XPR1: variants seen among roughly 807,000 people sequenced by gnomAD.
XPR1 encodes the protein solute carrier family 53 member 1.
A neutral mutation model predicts 87.5 loss-of-function variants in XPR1; 28 were observed. The observed-to-expected ratio is 0.32, with a 90% CI of 0.24 to 0.44. The LOEUF (loss-of-function observed/expected upper bound fraction) is 0.44, where lower values mean the gene tolerates loss of function less well. XPR1 is among the 20% of genes least tolerant of loss of function. The pLI is 1.00. For missense variants in XPR1, 559 were observed against 862.3 expected (o/e 0.65, Z 4.41); for synonymous variants, 300 against 306.1 (o/e 0.98, Z 0.21).
At chr1:180,652,875 T>A (rs973522237) in intron 1 of XPR1, among the ~76,000 whole-genome samples, 1 of 152,224 alleles carries the variant, frequency 6.6e-6, no homozygotes, top group Non-Finnish European at 1.5e-5. Context: ...CGGAGCTGCT[T>A]ACCTGGGTAA....
chr1:180,825,679 C>T (rs748235537), intron 9 of XPR1, among the ~76,000 whole-genome samples: 33 of 152,180 alleles, frequency 2.2e-4, no homozygotes, highest in African/African-American at 7.0e-4. Context: ...GAGTATCAAC[C>T]GAACATTTTA....
At chr1:180,825,785 T>A (rs1021185037) in intron 9 of XPR1, among the ~76,000 whole-genome samples, 2 of 152,202 alleles carry the variant, frequency 1.3e-5, no homozygotes, top group Non-Finnish European at 2.9e-5. Flanking sequence ...GCGCGGTGGC[T>A]CACGCCTGTA....
intron 2 of XPR1, among the ~76,000 whole-genome samples, chr1:180,748,016 A>G (rs1350994547): frequency 2.0e-5 from 3 of 152,256 alleles, no homozygotes; most frequent in Admixed American, 6.5e-5. Context: ...TATGTGAATC[A>G]TATTATAAAA....
At chr1:180,671,665 C>G (rs1380527907) in intron 1 of XPR1, among the ~76,000 whole-genome samples, 1 of 152,150 alleles carries the variant, frequency 6.6e-6, no homozygotes, top group Admixed American at 6.5e-5. Context: ...CATGTGTCAA[C>G]TACCAAGCCC....
chr1:180,844,430 A>T (rs558232649), intron 11 of XPR1, among the ~76,000 whole-genome samples: 31 of 152,344 alleles, frequency 2.0e-4, no homozygotes, highest in African/African-American at 7.5e-4. Flanking sequence ...AAGAGAAAAA[A>T]ATGAGCAGGC....
intron 12 of XPR1, among the ~76,000 whole-genome samples, chr1:180,865,572 T>C (rs1296215149): frequency 6.6e-6 from 1 of 152,146 alleles, no homozygotes; most frequent in African/African-American, 2.4e-5. Context: ...GGTTAATTTT[T>C]TGTAGTTTTA....
intron 2 of XPR1, among the ~76,000 whole-genome samples, chr1:180,694,779 A>G (rs1044910472): frequency 3.3e-5 from 2 of 60,464 alleles, no homozygotes; most frequent in African/African-American, 6.2e-5. Flanking sequence ...GTGTGCACAC[A>G]CACACACACA....
chr1:180,667,619 A>G (rs1026589593), intron 1 of XPR1, among the ~76,000 whole-genome samples: 12 of 152,244 alleles, frequency 7.9e-5, no homozygotes, highest in Non-Finnish European at 1.6e-4. Flanking sequence ...GCCTCATAGC[A>G]TGAGTTAGGA....
intron 1 of XPR1, among the ~76,000 whole-genome samples, chr1:180,673,252 C>T (rs1656245885): frequency 6.6e-6 from 1 of 152,004 alleles, no homozygotes; most frequent in African/African-American, 2.4e-5. Flanking sequence ...ATTGAATATA[C>T]ATGTTAACTT....
Position 180,671,063 on chromosome 1 carries a change from A to G in XPR1, c.70-11297A>G, listed in dbSNP as rs368187558. On this transcript the variant is annotated intron_variant, in intron 1 of 14. Transcript: ENST00000367590. ...TACTGAGGTCTCTAAAATGAGTAATATGTAATTTATTTTGTTTTGAGGGTT... is the reference window on the plus strand; with the variant it reads ...TACTGAGGTCTCTAAAATGAGTAATGTGTAATTTATTTTGTTTTGAGGGTT... 4.4e-4 allele frequency among the ~76,000 whole-genome samples: 67 copies of G among 152,324 alleles called. 1 individual carries two copies. The South Asian group carries it at 0.013, about 31-fold the overall frequency.
chr1:180,842,157 T>C (rs900758053), intron 11 of XPR1, among the ~76,000 whole-genome samples: 1 of 152,112 alleles, frequency 6.6e-6, no homozygotes, highest in Non-Finnish European at 1.5e-5. Context: ...AAGGATAAAT[T>C]TTAGAGGGGC....
Position 180,720,341 on chromosome 1 carries a change from CA to C in XPR1, c.121+37931del, listed in dbSNP as rs578234723. Among the ~76,000 whole-genome samples, 443 of 152,208 alleles carry C rather than the reference CA, an allele frequency of 2.9e-3. 5 individuals carry two copies. Among genetic ancestry groups the C allele is most frequent in the African/African-American group, 0.01 (422 of 41,542 alleles). The stretch of plus-strand genomic sequence containing the variant: ...ACTTTCAAATTCCATTGTCTTAAAA[CA>C]GTTGGTAATGTGACAGTTCTTTAGC... On this transcript the variant is annotated intron_variant, in intron 2 of 14. Coordinates refer to ENST00000367590, the MANE Select transcript of XPR1 (RefSeq NM_004736.4).
intron 2 of XPR1, among the ~76,000 whole-genome samples, chr1:180,725,633 T>A (rs1658313230): frequency 6.6e-6 from 1 of 152,220 alleles, no homozygotes; most frequent in Non-Finnish European, 1.5e-5. Flanking sequence ...AGTAACTGCT[T>A]AAACTGATTT....
intron 2 of XPR1, among the ~76,000 whole-genome samples, chr1:180,685,272 A>G (rs150159382): frequency 0.043 from 6,540 of 152,200 alleles, 502 homozygotes; most frequent in African/African-American, 0.15. Flanking sequence ...GGTTCTGTTT[A>G]TATGTTGGAT....
At chr1:180,859,395 C>T (rs942672941) in intron 11 of XPR1, among the ~76,000 whole-genome samples, 66 of 152,186 alleles carry the variant, frequency 4.3e-4, no homozygotes, top group Admixed American at 6.5e-4. Flanking sequence ...TGGATAGAAG[C>T]TTAGAGTAGA....
chr1:180,800,517 T>C (rs1466647914), intron 3 of XPR1, among the ~76,000 whole-genome samples: 1 of 152,242 alleles, frequency 6.6e-6, no homozygotes, highest in African/African-American at 2.4e-5. Flanking sequence ...GAAAGCAGCC[T>C]AGCTAACACC....
intron 1 of XPR1, among the ~76,000 whole-genome samples, chr1:180,663,538 G>T (rs1410109657): frequency 2.0e-5 from 3 of 152,142 alleles, no homozygotes; most frequent in African/African-American, 7.2e-5. Flanking sequence ...TTGGTGATGG[G>T]TGACTCAAGC....
At chr1:180,696,395 G>A (rs1571735717) in intron 2 of XPR1, among the ~76,000 whole-genome samples, 1 of 151,776 alleles carries the variant, frequency 6.6e-6, no homozygotes, top group Non-Finnish European at 1.5e-5. Context: ...CTATATCTAA[G>A]ATCATGTCAT....
chr1:180,699,036 C>T (rs762587979), intron 2 of XPR1, among the ~76,000 whole-genome samples: 53 of 152,216 alleles, frequency 3.5e-4, no homozygotes, highest in Middle Eastern at 3.4e-3. Context: ...GCTTCTGGAT[C>T]TGGATAACCA....
Sources: allele counts gnomAD v4.1 joint callset (sites outside exome capture counted in the v4.1 genomes callset), GRCh38; gene constraint gnomAD v4.1.1; transcripts MANE v1.5; gene names NCBI Gene and HGNC (gene_info 2026-07-23, HGNC 2026-07-21).